The following PXN variants were observed in gnomAD, a reference collection of about 807,000 sequenced individuals.
The protein encoded by PXN is testicular tissue protein Li 134.
A neutral mutation model predicts 103.6 loss-of-function variants in PXN; 61 were observed. The ratio of observed to expected loss-of-function variants is 0.59; its 90% CI spans 0.48 to 0.73. The LOEUF (loss-of-function observed/expected upper bound fraction) is 0.73, where lower values mean the gene tolerates loss of function less well. Ranked by LOEUF, PXN falls within the 30% of genes least tolerant of loss-of-function variation. The probability of loss-of-function intolerance (pLI) is 0.00; values close to 1 mark genes in which losing one functional copy is unlikely to be tolerated. For missense variants in PXN, 1,274 were observed against 1,460.3 expected (o/e 0.87, Z 2.08); for synonymous variants, 562 against 607.8 (o/e 0.92, Z 1.11).
intron 1 of PXN, among the ~76,000 whole-genome samples, chr12:120,257,564 A>G (rs1379256553): frequency 6.6e-6 from 1 of 152,188 alleles, no homozygotes; most frequent in African/African-American, 2.4e-5. Context: ...CAGGGCCCTC[A>G]CCTCTGCCTC....
At position 120,224,357 on chromosome 12, in the gene PXN, C is replaced by G; in HGVS notation, c.34G>C (p.Glu12Gln). 1 of 1,613,874 alleles carries G rather than the reference C, an allele frequency of 6.2e-7. No homozygotes were observed. Among genetic ancestry groups the G allele is most frequent in the Non-Finnish European group, 8.5e-7 (1 of 1,179,852 alleles). ...TTGGAGATGTGGGAGGTGGTAGACT[C>G]CAAGTCCGCCAGCAGGGCGTCTGCA... is the stretch of plus-strand genomic sequence containing the variant. ...DDLDALLADL[E>Q]STTSHISKRP... is the part of the protein sequence containing the mutation. Residue 12 changes from glutamate to glutamine, a missense_variant, in exon 2 of 15, where the codon GAG becomes CAG. Glu to Gln is a conservative substitution (Grantham distance 29). Transcript: ENST00000637617. The surrounding 1 kb of genome is among the most constrained non-coding windows in gnomAD (Gnocchi z 5.0).
Position 120,215,694 on chromosome 12 carries a change from CT to C in PXN, c.2302-34del. The C allele has an allele frequency of 1.9e-6, 3 of 1,568,438 alleles. No individual in the cohort carries two copies. Among genetic ancestry groups the C allele is most frequent in the Non-Finnish European group, 1.7e-6 (2 of 1,160,990 alleles). ...AGGGGAAGAGATGAGGGTAAGAAAT[CT>C]TTTTTAAAAATTAAGAAAGAATACA... is the stretch of plus-strand genomic sequence containing the variant. On this transcript the variant is annotated intron_variant, in intron 9 of 14. Transcript: ENST00000637617. This position sits in a 1 kb window ranked among gnomAD's most constrained non-coding sequence, Gnocchi z 4.9.
At chr12:120,233,003 A>G (rs1566409875) in intron 1 of PXN, among the ~76,000 whole-genome samples, 2 of 151,970 alleles carry the variant, frequency 1.3e-5, no homozygotes. Flanking sequence ...AGTCACATCA[A>G]TTCTTCCTTC....
rs367810923 is a variant in PXN at position 120,221,615 on chromosome 12, C to T, written c.831+8G>A. 7.3e-4 allele frequency: 1,135 copies of T among 1,560,066 alleles called. No homozygotes were observed. The highest frequency in any genetic ancestry group is 9.6e-4 in the Non-Finnish European group (1,109 of 1,152,332). On this transcript the variant is annotated splice_region_variant and intron_variant, in intron 6 of 14. Coordinates refer to ENST00000637617, the MANE Select transcript of PXN (RefSeq NM_001385981.1). The surrounding 1 kb of genome is among the most constrained non-coding windows in gnomAD (Gnocchi z 6.6). ...CAGGGCAGGGAAGATGGAGGGTTCA[C>T]AGGGCACCTTGAAATCCGACAGCGA...
intron 1 of PXN, among the ~76,000 whole-genome samples, chr12:120,259,986 G>C (rs934594547): frequency 6.6e-6 from 1 of 152,190 alleles, no homozygotes; most frequent in Admixed American, 6.5e-5. Context: ...CGGGTGCAGC[G>C]GGGCTGGGGG....
Position 120,220,482 on chromosome 12 carries a change from T to A in PXN, c.832-391A>T, listed in dbSNP as rs542399700. On this transcript the variant is annotated intron_variant, in intron 6 of 14. Transcript: ENST00000637617. The surrounding 1 kb of genome is among the most constrained non-coding windows in gnomAD (Gnocchi z 6.1). ...CTCGGACACTGGCCCAACTCGGCCA[T>A]GTCCCTCCGGACAATCCCAGCTTTC... Among the ~76,000 whole-genome samples, 64 of 152,318 alleles carry A rather than the reference T, an allele frequency of 4.2e-4. No individual in the cohort carries two copies. Among genetic ancestry groups the A allele is most frequent in the African/African-American group, 1.5e-3 (61 of 41,578 alleles).
chr12:120,222,835 A>G lies in PXN; in HGVS notation c.493+28T>C. 1 of 1,611,240 alleles carries G rather than the reference A, an allele frequency of 6.2e-7. No individual in the cohort carries two copies. Among genetic ancestry groups the G allele is most frequent in the Non-Finnish European group, 8.5e-7 (1 of 1,178,604 alleles). ...CAGCAGATGGGCCCTGGGCCCTGGT[A>G]GACCCTGCCCCAGGGACCCGGTCCT... On this transcript the variant is annotated intron_variant, in intron 4 of 14. Transcript: ENST00000637617. The surrounding 1 kb of genome is among the most constrained non-coding windows in gnomAD (Gnocchi z 4.7).
Position 120,224,212 on chromosome 12 carries a change from C to T in PXN, c.179G>A (p.Gly60Asp). 1 of 1,611,778 alleles carries T rather than the reference C, an allele frequency of 6.2e-7. No homozygotes were observed. The highest frequency in any genetic ancestry group is 8.5e-7 in the Non-Finnish European group (1 of 1,178,850). Residue 60 changes from glycine to aspartate, a missense_variant, in exon 2 of 15, where the codon GGC becomes GAC. Physicochemically the swap from Gly to Asp is moderately conservative, Grantham distance 94. This residue lies in a region of PXN where 1,178 missense variants were observed against 1,309.0 expected (regional missense o/e 0.90). Transcript: ENST00000637617. This position sits in a 1 kb window ranked among gnomAD's most constrained non-coding sequence, Gnocchi z 5.0. ...PPPPSSEALNGTILDPLDQWQ... is the reference protein window; with the variant it reads ...PPPPSSEALNDTILDPLDQWQ... ...CTGGTCTAAGGGGTCAAGGATTGTG[C>T]CATTGAGGGCCTCGCTGGACGGGGG...
rs181421361 is a variant in PXN at position 120,247,041 on chromosome 12, T to A, written c.13+18576A>T. 4.5e-3 allele frequency among the ~76,000 whole-genome samples: 664 copies of A among 147,526 alleles called. 5 individuals carry two copies. Among genetic ancestry groups the A allele is most frequent in the Middle Eastern group, 6.8e-3 (2 of 292 alleles). ...ACCCTGTCTCTATAAAAAAAAATTT[T>A]AAAAAAAAGAAGGCTAGAAAAGAAG... is the stretch of plus-strand genomic sequence containing the variant. On this transcript the variant is annotated intron_variant, in intron 1 of 14. Coordinates refer to ENST00000637617, the MANE Select transcript of PXN (RefSeq NM_001385981.1).
At chr12:120,239,712 CT>C (rs770297444) in intron 1 of PXN, among the ~76,000 whole-genome samples, 3 of 152,174 alleles carry the variant, frequency 2.0e-5, no homozygotes, top group Non-Finnish European at 4.4e-5. Flanking sequence ...GATCACACCA[CT>C]GCACTCCAGC....
chr12:120,216,405 A>G lies in PXN; in HGVS notation c.2169T>C (p.Ser723=), dbSNP rs919963828. Residue 723 remains serine, a synonymous_variant, in exon 9 of 15, where the codon TCT becomes TCC. Coordinates refer to ENST00000637617, the MANE Select transcript of PXN (RefSeq NM_001385981.1). This position sits in a 1 kb window ranked among gnomAD's most constrained non-coding sequence, Gnocchi z 5.1. ...LGPSAYTCGS[S]GVQSAGEEPH... is the part of the protein sequence containing the mutation. ...GCTCTTCCCCTGCACTCTGGACCCC[A>G]GAAGAACCACAGGTATAAGCTGAGG... The G allele has an allele frequency of 2.2e-6, 3 of 1,349,656 alleles. No individual in the cohort carries two copies. Among genetic ancestry groups the G allele is most frequent in the Non-Finnish European group, 2.8e-6 (3 of 1,058,368 alleles). The allele number at this position is 1,349,656 out of a possible 1,614,324, so 83.6% of individuals were successfully genotyped here. A position where few individuals can be genotyped will look rare whatever the true frequency, so the allele number is the denominator to read the frequency against.
In PXN at chr12:120,265,606, C is replaced by T. The variant is rs1413055988; in HGVS notation, c.13+11G>A. On this transcript the variant is annotated intron_variant, in intron 1 of 14. Coordinates refer to ENST00000637617, the MANE Select transcript of PXN (RefSeq NM_001385981.1). The surrounding 1 kb of genome is among the most constrained non-coding windows in gnomAD (Gnocchi z 5.7). ...CTCGCCTCCTCCTCCCTCGGCCTCC[C>T]GCTCACTCACCGAGGTCGTCCATGG... 11 of 1,486,362 alleles carry T rather than the reference C, an allele frequency of 7.4e-6. No homozygotes were observed. The highest frequency in any genetic ancestry group is 8.9e-6 in the Non-Finnish European group (10 of 1,123,958). The allele number at this position is 1,486,362 out of a possible 1,614,324, so 92.1% of individuals were successfully genotyped here.
chr12:120,223,165 C>T (rs1407672446), intron 3 of PXN, among the ~76,000 whole-genome samples, 166 bp from the exon 4 acceptor site: 2 of 150,802 alleles, frequency 1.3e-5, no homozygotes, highest in Non-Finnish European at 3.0e-5. Context: ...GGGAGGAGGC[C>T]GGGCACAGTG....
At chr12:120,244,333 G>A (rs904139658) in intron 1 of PXN, among the ~76,000 whole-genome samples, 5 of 151,780 alleles carry the variant, frequency 3.3e-5, no homozygotes, top group Non-Finnish European at 7.4e-5. Flanking sequence ...CCAAGATGGT[G>A]AAACCCCATC....
At chr12:120,250,815 A>G (rs1291990616) in intron 1 of PXN, among the ~76,000 whole-genome samples, 3 of 152,012 alleles carry the variant, frequency 2.0e-5, no homozygotes, top group African/African-American at 4.8e-5. Context: ...TTCTTCCCCC[A>G]GGCCTAGCTA....
Position 120,265,563 on chromosome 12 carries a change from GC to G in PXN, c.13+53del, listed in dbSNP as rs2136774411. 1 of 1,476,068 alleles carries G rather than the reference GC, an allele frequency of 6.8e-7. No individual in the cohort carries two copies. The allele number at this position is 1,476,068 out of a possible 1,614,324, so 91.4% of individuals were successfully genotyped here. A position where few individuals can be genotyped will look rare whatever the true frequency, so the allele number is the denominator to read the frequency against. On this transcript the variant is annotated intron_variant, in intron 1 of 14. Coordinates refer to ENST00000637617, the MANE Select transcript of PXN (RefSeq NM_001385981.1). This position sits in a 1 kb window ranked among gnomAD's most constrained non-coding sequence, Gnocchi z 5.7. ...CCTGCCGCTCGCTGGCGCCCTCCTGGCCCCAAGCTGCGCGCCTCTCGCCTCC... is the reference window on the plus strand; with the variant it reads ...CCTGCCGCTCGCTGGCGCCCTCCTGGCCCAAGCTGCGCGCCTCTCGCCTCC...
intron 1 of PXN, among the ~76,000 whole-genome samples, chr12:120,248,492 T>TCTCA (rs1299076758): frequency 2.3e-4 from 29 of 127,944 alleles, no homozygotes; most frequent in African/African-American, 7.2e-4. Flanking sequence ...CAGATGACTT[T>TCTCA]CACACACACA....
chr12:120,243,029 G>C (rs1219283604), intron 1 of PXN, among the ~76,000 whole-genome samples: 1 of 152,122 alleles, frequency 6.6e-6, no homozygotes, highest in Non-Finnish European at 1.5e-5. Flanking sequence ...TTGTGGCTCA[G>C]GATAAGTTTG....
chr12:120,236,768 C>T (rs565016041), intron 1 of PXN, among the ~76,000 whole-genome samples: 1 of 152,032 alleles, frequency 6.6e-6, no homozygotes, highest in South Asian at 2.1e-4. Context: ...AGCCACTGTG[C>T]CTGGCCCCAG....
Sources: allele counts gnomAD v4.1 joint callset (sites outside exome capture counted in the v4.1 genomes callset), GRCh38; gene constraint gnomAD v4.1.1; regional missense constraint gnomAD v4.1.1; non-coding constraint Gnocchi (gnomAD v3.1); transcripts MANE v1.5; gene names NCBI Gene and HGNC (gene_info 2026-07-23, HGNC 2026-07-21).